The following MEGF10 variants were observed in gnomAD, a reference collection of about 807,000 sequenced individuals.
The protein encoded by MEGF10 is multiple epidermal growth factor-like domains protein 10.
Under a neutral mutation model 147.5 loss-of-function variants are expected in MEGF10, and 86 were observed. That is an observed-to-expected ratio of 0.58 (90% CI 0.49 to 0.70). MEGF10 has a LOEUF of 0.70. MEGF10 is among the 30% of genes least tolerant of loss of function. MEGF10 has a pLI of 0.00. For synonymous variants in MEGF10, 478 were observed against 525.5 expected (o/e 0.91, Z 1.24); for missense variants, 1,329 against 1,487.3 (o/e 0.89, Z 1.75).
chr5:127,393,860 T>C (rs1763803271), intron 5 of MEGF10, among the ~76,000 whole-genome samples: 1 of 151,844 alleles, frequency 6.6e-6, no homozygotes, highest in Non-Finnish European at 1.5e-5. Flanking sequence ...ACAGAGCTGG[T>C]GTCTGCCTGA....
intron 5 of MEGF10, among the ~76,000 whole-genome samples, chr5:127,374,480 G>A (rs1418700687): frequency 6.6e-6 from 1 of 151,712 alleles, no homozygotes; most frequent in Non-Finnish European, 1.5e-5. Context: ...ATTCCTATAT[G>A]CACCCTCCAC....
chr5:127,278,589 G>A, the MEGF10 span, among the ~76,000 whole-genome samples: 2 of 152,132 alleles, frequency 1.3e-5, no homozygotes, highest in Admixed American at 6.6e-5. Context: ...AGAAATCCAC[G>A]TCATTTGGGA....
chr5:127,448,581 A>G (rs1278693500), intron 21 of MEGF10, among the ~76,000 whole-genome samples: 1 of 152,248 alleles, frequency 6.6e-6, no homozygotes, highest in Non-Finnish European at 1.5e-5. Context: ...TAATGCAGCT[A>G]TAGATTTTAA....
intron 8 of MEGF10, among the ~76,000 whole-genome samples, chr5:127,403,056 T>C (rs889462078): frequency 2.0e-5 from 3 of 152,204 alleles, no homozygotes; most frequent in African/African-American, 7.2e-5. Context: ...CTTTCAAAAG[T>C]ATAAAGTTAC....
chr5:127,389,047 A>G (rs778308240), intron 5 of MEGF10, among the ~76,000 whole-genome samples: 9 of 152,172 alleles, frequency 5.9e-5, no homozygotes, highest in Non-Finnish European at 1.3e-4. Context: ...CTTAACCGAA[A>G]CATATCATTT....
chr5:127,430,483 G>A (rs1765356647), intron 13 of MEGF10, among the ~76,000 whole-genome samples: 1 of 152,180 alleles, frequency 6.6e-6, no homozygotes, highest in Non-Finnish European at 1.5e-5. Flanking sequence ...GTGCGACTTA[G>A]AGAAACACTT....
At chr5:127,414,003 T>G (rs1010809193) in intron 9 of MEGF10, among the ~76,000 whole-genome samples, 5 of 152,258 alleles carry the variant, frequency 3.3e-5, no homozygotes, top group Admixed American at 2.6e-4. Context: ...ACCAAAAATA[T>G]CATTTGTTTT....
At chr5:127,434,612 T>C in intron 14 of MEGF10, 75 bp from the exon 15 acceptor site, 7 of 1,470,794 alleles carry the variant, frequency 4.8e-6, no homozygotes, top group Non-Finnish European at 6.4e-6. Context: ...TCTAAAACTT[T>C]AACTAGATCC....
chr5:127,272,647 C>T, the MEGF10 span, among the ~76,000 whole-genome samples: 1 of 152,084 alleles, frequency 6.6e-6, no homozygotes, highest in Non-Finnish European at 1.5e-5. Context: ...CCTTCATTTC[C>T]CTTGTTAGCT....
chr5:127,272,111 G>A, the MEGF10 span, among the ~76,000 whole-genome samples: 24 of 152,172 alleles, frequency 1.6e-4, no homozygotes, highest in African/African-American at 5.8e-4. Flanking sequence ...TTTTGTATAT[G>A]GTGTAAAGAA....
At chr5:127,282,536 C>T in the MEGF10 span, among the ~76,000 whole-genome samples, 2 of 152,232 alleles carry the variant, frequency 1.3e-5, no homozygotes, top group African/African-American at 2.4e-5. Flanking sequence ...CTGACCAATT[C>T]GCAGCGCTGT....
chr5:127,320,061 G>A (rs1463984156), intron 1 of MEGF10, among the ~76,000 whole-genome samples: 1 of 152,148 alleles, frequency 6.6e-6, no homozygotes, highest in Non-Finnish European at 1.5e-5. Flanking sequence ...AAAAGTCGAT[G>A]AATCTTAGGC....
intron 5 of MEGF10, among the ~76,000 whole-genome samples, chr5:127,373,658 C>T (rs1762925175): frequency 6.6e-6 from 1 of 152,074 alleles, no homozygotes; most frequent in African/African-American, 2.4e-5. Flanking sequence ...GCTACTGCAA[C>T]ACAGAGTAAC....
At chr5:127,337,486 C>T (rs1761513448) in intron 2 of MEGF10, among the ~76,000 whole-genome samples, 1 of 151,978 alleles carries the variant, frequency 6.6e-6, no homozygotes, top group African/African-American at 2.4e-5. Context: ...AGTCTTAGAA[C>T]CTCAGGACAC....
chr5:127,229,484 G>A, the MEGF10 span: 6 of 152,092 alleles, frequency 3.9e-5, no homozygotes, highest in African/African-American at 1.4e-4. Flanking sequence ...GCCTGGCGGA[G>A]GGAGGAGCGA....
In MEGF10 at chr5:127,459,058, G is replaced by C. The variant is rs909729186; in HGVS notation, c.*1740G>C. On this transcript the variant is annotated 3_prime_UTR_variant, in exon 25 of 25. Transcript: ENST00000503335. ...AGGAAACAACTTTATAAGAGAAACAGTGGTCTTCAATCTTTTAAAGACATG... is the reference window on the plus strand; with the variant it reads ...AGGAAACAACTTTATAAGAGAAACACTGGTCTTCAATCTTTTAAAGACATG... The C allele has an allele frequency of 9.9e-5, 15 of 152,194 alleles. No homozygotes were observed. Among genetic ancestry groups the C allele is most frequent in the Non-Finnish European group, 2.2e-4 (15 of 68,034 alleles). 9.4% of individuals were successfully genotyped at this position (152,194 alleles called of 1,614,324 possible).
intron 1 of MEGF10, among the ~76,000 whole-genome samples, chr5:127,322,885 C>A (rs1043424301): frequency 9.2e-5 from 14 of 152,010 alleles, no homozygotes; most frequent in African/African-American, 3.4e-4. Context: ...GCCTAATGTG[C>A]ACAAATTACC....
chr5:127,326,132 C>T (rs563085305), intron 1 of MEGF10, among the ~76,000 whole-genome samples: 120 of 151,398 alleles, frequency 7.9e-4, no homozygotes, highest in Non-Finnish European at 1.4e-3. Context: ...TGAGGCTAGT[C>T]GCAAACTCCT....
upstream of MEGF10, among the ~76,000 whole-genome samples, chr5:127,286,767 G>GA (rs1202357529): frequency 1.3e-5 from 2 of 151,778 alleles, no homozygotes; most frequent in Admixed American, 6.6e-5. Flanking sequence ...GTAAGTAATA[G>GA]AAAAAAATCA....
Sources: allele counts gnomAD v4.1 joint callset (sites outside exome capture counted in the v4.1 genomes callset), GRCh38; gene constraint gnomAD v4.1.1; transcripts MANE v1.5; gene names NCBI Gene and HGNC (gene_info 2026-07-23, HGNC 2026-07-21).